The following NYX variants were observed in gnomAD, a reference collection of about 807,000 sequenced individuals.
NYX encodes nyctalopin.
For synonymous variants in NYX, 258 were observed against 245.7 expected, an observed-to-expected ratio of 1.05 and a Z score of -0.47; for missense variants, 481 against 485.4, an observed-to-expected ratio of 0.99 and a Z score of 0.09.
intron 2 of NYX, among the ~76,000 whole-genome samples, chrX:41,459,741 GAGT>G: frequency 9.0e-6 from 1 of 111,498 alleles, no homozygotes; most frequent in Non-Finnish European, 1.9e-5. Context: ...TTTTATTGCT[GAGT>G]AGTATTCTAC....
intron 2 of NYX, among the ~76,000 whole-genome samples, chrX:41,466,787 C>CTTTTTTTT (rs747247175): frequency 4.9e-5 from 1 of 20,498 alleles, no homozygotes; most frequent in African/African-American, 2.0e-4. Flanking sequence ...CCAGACTGGT[C>CTTTTTTTT]TTTTTTTTTT....
chrX:41,462,129 G>A (rs994473569), intron 2 of NYX, among the ~76,000 whole-genome samples: 3 of 111,963 alleles, frequency 2.7e-5, no homozygotes, highest in Non-Finnish European at 5.6e-5. Context: ...TTGGCCATTT[G>A]TATATCTTCT....
At chrX:41,455,855 C>T (rs1217021507) in intron 2 of NYX, among the ~76,000 whole-genome samples, 1 of 111,883 alleles carries the variant, frequency 8.9e-6, no homozygotes, top group Non-Finnish European at 1.9e-5. Flanking sequence ...CAAGGAGATT[C>T]GTTTTTGGAA....
At position 41,457,353 on chromosome X, in the gene NYX, C is replaced by T. The variant is rs558926852; in HGVS notation, c.22+9427C>T. Among the ~76,000 whole-genome samples, 17 of 103,749 alleles carry T rather than the reference C, an allele frequency of 1.6e-4. No individual in the cohort carries two copies. In the South Asian group the frequency reaches 6.2e-3, roughly 38 times the overall value. The allele number at this position is 103,749 out of a possible 115,157, so 90.1% of individuals were successfully genotyped here. The stretch of plus-strand genomic sequence containing the variant: ...GCCTCAGAGAGCTCCCTTGCCCTTT[C>T]TACCACATGAGAACACAGTGAGAAG... On this transcript the variant is annotated intron_variant, in intron 2 of 2. Coordinates refer to ENST00000378220, the MANE Select transcript of NYX (RefSeq NM_001378477.3).
chrX:41,461,244 C>G (rs1324325598), intron 2 of NYX, among the ~76,000 whole-genome samples: 1 of 108,830 alleles, frequency 9.2e-6, no homozygotes, highest in Non-Finnish European at 1.9e-5. Context: ...TAGCTTAGCT[C>G]CCACTTATGA....
chrX:41,461,512 T>C (rs865959114), intron 2 of NYX, among the ~76,000 whole-genome samples: 1 of 110,121 alleles, frequency 9.1e-6, no homozygotes, highest in Non-Finnish European at 1.9e-5. Context: ...AGGATCTTTT[T>C]CATATAATGA....
At position 41,462,090 on chromosome X, in the gene NYX, G is replaced by A. The variant is rs193073389; in HGVS notation, c.23-11401G>A. 5.5e-3 allele frequency among the ~76,000 whole-genome samples: 613 copies of A among 112,094 alleles called. 4 individuals are homozygous for A. Among genetic ancestry groups the A allele is most frequent in the Non-Finnish European group, 7.9e-3 (418 of 53,197 alleles). The stretch of plus-strand genomic sequence containing the variant: ...GCTGGGATTACAGGCATGAGCCTCC[G>A]TGCCTGGCCAAGCATTTTTTCATGT... On this transcript the variant is annotated intron_variant, in intron 2 of 2. Coordinates refer to ENST00000378220, the MANE Select transcript of NYX (RefSeq NM_001378477.3).
intron 2 of NYX, among the ~76,000 whole-genome samples, chrX:41,458,368 A>G (rs1358193033): frequency 8.9e-6 from 1 of 112,104 alleles, no homozygotes; most frequent in Non-Finnish European, 1.9e-5. Context: ...ACCGTCCTGA[A>G]CCTCAGTTTC....
At position 41,447,960 on chromosome X, in the gene NYX, G is replaced by A. The variant is rs748866992; in HGVS notation, c.22+34G>A. On this transcript the variant is annotated intron_variant, in intron 2 of 2. Transcript: ENST00000378220. ...TCCTGCCGGTGGGTGCAAGGGTTGG[G>A]AAGAGGGGTGGAAGCCACAGAGCTT... The A allele has an allele frequency of 2.2e-5, 26 of 1,189,858 alleles. No individual in the cohort carries two copies. The East Asian group carries it at 7.4e-4, about 34-fold the overall frequency.
At chrX:41,455,827 A>C (rs1324234715) in intron 2 of NYX, among the ~76,000 whole-genome samples, 2 of 111,961 alleles carry the variant, frequency 1.8e-5, no homozygotes, top group African/African-American at 6.5e-5. Context: ...ATTCCCATGG[A>C]ACCCAGCTCT....
Position 41,448,305 on chromosome X carries a change from C to T in NYX, c.22+379C>T, listed in dbSNP as rs1005418492. 7.2e-5 allele frequency among the ~76,000 whole-genome samples: 8 copies of T among 110,959 alleles called. No homozygotes were observed. In the East Asian group the frequency reaches 8.5e-4, roughly 12 times the overall value. On this transcript the variant is annotated intron_variant, in intron 2 of 2. Coordinates refer to ENST00000378220, the MANE Select transcript of NYX (RefSeq NM_001378477.3). ...TCACCCAGGCTGGAGTACAGTGGTG[C>T]GACCTCGGCACACTGCAAGCTCCGC...
intron 2 of NYX, among the ~76,000 whole-genome samples, chrX:41,459,899 C>A (rs2064312017): frequency 9.8e-6 from 1 of 101,603 alleles, no homozygotes. Flanking sequence ...TGGGCAAATA[C>A]CTAGGAGTGG....
At chrX:41,462,442 A>G (rs927334948) in intron 2 of NYX, among the ~76,000 whole-genome samples, 1 of 112,266 alleles carries the variant, frequency 8.9e-6, no homozygotes, top group African/African-American at 3.2e-5. Flanking sequence ...CCTGTTCCAC[A>G]TGTTCTCCAA....
intron 2 of NYX, among the ~76,000 whole-genome samples, chrX:41,472,921 C>T (rs966433974): frequency 2.0e-4 from 22 of 111,595 alleles, no homozygotes; most frequent in African/African-American, 6.8e-4. Context: ...GCTTCAGCCT[C>T]CCAAGTAGGT....
intron 2 of NYX, among the ~76,000 whole-genome samples, chrX:41,455,482 G>T (rs1001195575): frequency 1.8e-5 from 2 of 109,706 alleles, no homozygotes; most frequent in Non-Finnish European, 3.8e-5. Flanking sequence ...GAGAGAACTA[G>T]GTCAAGAGGC....
Position 41,473,584 on chromosome X carries a change from G to A in NYX, c.116G>A (p.Cys39Tyr). ...ACACSTVERGCSVRCDRAGLL... is the reference protein window; with the variant it reads ...ACACSTVERGYSVRCDRAGLL... ...GCCTGCAGCACCGTGGAGCGCGGCT[G>A]CTCGGTGCGCTGCGACCGCGCGGGC... Residue 39 changes from cysteine to tyrosine, a missense_variant, in exon 3 of 3, where the codon TGC becomes TAC. Coordinates refer to ENST00000378220, the MANE Select transcript of NYX (RefSeq NM_001378477.3). The A allele has an allele frequency of 9.9e-7, 1 of 1,012,623 alleles. No homozygotes were observed. The highest frequency in any genetic ancestry group is 2.0e-5 in the African/African-American group (1 of 49,503). The allele number at this position is 1,012,623 out of a possible 1,213,427, so 83.5% of individuals were successfully genotyped here. A position where few individuals can be genotyped will look rare whatever the true frequency, so the allele number is the denominator to read the frequency against.
chrX:41,468,860 A>G (rs769202840), intron 2 of NYX, among the ~76,000 whole-genome samples: 1 of 111,593 alleles, frequency 9.0e-6, no homozygotes, highest in African/African-American at 3.3e-5. Flanking sequence ...TGAGGCCTGC[A>G]GTTAAGGTTA....
At position 41,459,083 on chromosome X, in the gene NYX, A is replaced by AAAC. The variant is rs776736635; in HGVS notation, c.22+11178_22+11180dup. ...GGGCAACAGAGCGAGACTCCGTCTCAAACAACAACAACAACAACAACAAAG... is the reference window on the plus strand; with the variant it reads ...GGGCAACAGAGCGAGACTCCGTCTCAAACAACAACAACAACAACAACAACAAAG... On this transcript the variant is annotated intron_variant, in intron 2 of 2. Coordinates refer to ENST00000378220, the MANE Select transcript of NYX (RefSeq NM_001378477.3). Among the ~76,000 whole-genome samples the AAAC allele has an allele frequency of 3.7e-3, 404 of 109,507 alleles. 2 individuals are homozygous for AAAC. Among genetic ancestry groups the AAAC allele is most frequent in the African/African-American group, 0.011 (334 of 30,191 alleles).
In NYX at chrX:41,474,223, G is replaced by A. The variant is rs746330892; in HGVS notation, c.755G>A (p.Arg252His). Residue 252 changes from arginine to histidine, a missense_variant, in exon 3 of 3, where the codon CGC becomes CAC. By Grantham distance (29) the Arg-to-His change is conservative. Transcript: ENST00000378220. Reference protein sequence around the residue: ...ADAFRGLRRLRTLNLGGNALD... With the variant: ...ADAFRGLRRLHTLNLGGNALD... ...GCCTTCCGCGGCCTGCGGCGCCTGC[G>A]CACGCTCAACCTGGGTGGCAACGCG... 2.5e-6 allele frequency: 3 copies of A among 1,195,050 alleles called. No individual in the cohort carries two copies. The highest frequency in any genetic ancestry group is 2.2e-6 in the Non-Finnish European group (2 of 891,779).
Sources: gnomAD v4.1 joint callset for allele counts (sites outside exome capture counted in the v4.1 genomes callset) on GRCh38, gnomAD v4.1.1 for gene constraint, MANE v1.5 for transcripts, NCBI Gene and HGNC (gene_info 2026-07-23, HGNC 2026-07-21) for gene names.